Variants in XXYLT1 observed in about 807,000 individuals in gnomAD.
XXYLT1 encodes the protein xyloside xylosyltransferase 1.
A neutral mutation model predicts 28.9 loss-of-function variants in XXYLT1; 20 were observed. The observed-to-expected ratio is 0.69, with a 90% CI of 0.49 to 1.00. The LOEUF (loss-of-function observed/expected upper bound fraction) is 1.00, where lower values mean the gene tolerates loss of function less well. XXYLT1 is among the 50% of genes least tolerant of loss of function. The pLI, the probability that XXYLT1 is intolerant of heterozygous loss-of-function variation, is 0.00. For synonymous variants in XXYLT1, 257 were observed against 253.8 expected, an observed-to-expected ratio of 1.01 and a Z score of -0.12; for missense variants, 542 against 560.1, an observed-to-expected ratio of 0.97 and a Z score of 0.33.
In XXYLT1 at chr3:195,209,464, T is replaced by G. The variant is rs574967412; in HGVS notation, c.652+17245A>C. On this transcript the variant is annotated intron_variant, in intron 2 of 3. Coordinates refer to ENST00000310380, the MANE Select transcript of XXYLT1 (RefSeq NM_152531.5). The surrounding 1 kb of genome is among the most constrained non-coding windows in gnomAD (Gnocchi z 5.0). Reference sequence around the variant, plus strand: ...TCCGGCTCTTGCCATCTCAGCCACATCAGGCCCGACTTAGGACCCTCTGGG... The same window carrying G: ...TCCGGCTCTTGCCATCTCAGCCACAGCAGGCCCGACTTAGGACCCTCTGGG... 1 of 152,484 alleles carries G rather than the reference T, an allele frequency of 6.6e-6. No individual in the cohort carries two copies. Among genetic ancestry groups the G allele is most frequent in the African/African-American group, 2.4e-5 (1 of 41,580 alleles). The allele number at this position is 152,484 out of a possible 1,614,324, so 9.4% of individuals were successfully genotyped here.
intron 2 of XXYLT1, among the ~76,000 whole-genome samples, chr3:195,161,315 C>A (rs1720859025): frequency 6.6e-6 from 1 of 152,218 alleles, no homozygotes; most frequent in African/African-American, 2.4e-5. Flanking sequence ...TTTGCTTGAG[C>A]CACGACACAT....
At chr3:195,166,307 TTTGAG>T (rs1232388048) in intron 2 of XXYLT1, among the ~76,000 whole-genome samples, 4 of 152,260 alleles carry the variant, frequency 2.6e-5, no homozygotes, top group Non-Finnish European at 5.9e-5. Flanking sequence ...TTAAATAACA[TTTGAG>T]TTATTTTAAT....
chr3:195,070,745 C>T (rs946579014), intron 3 of XXYLT1, among the ~76,000 whole-genome samples: 1 of 152,176 alleles, frequency 6.6e-6, no homozygotes, highest in East Asian at 1.9e-4. Flanking sequence ...TTCATTGAGC[C>T]CCAAGCCTGG....
chr3:195,073,395 GTGCAGAGGC>G (rs2108637569), intron 3 of XXYLT1, among the ~76,000 whole-genome samples: 1 of 152,302 alleles, frequency 6.6e-6, no homozygotes, highest in African/African-American at 2.4e-5. Context: ...TCTGTGGCAC[GTGCAGAGGC>G]TGCAGGAAAC....
intron 3 of XXYLT1, 127 bp from the exon 4 acceptor site, chr3:195,070,238 A>G (rs767839404): frequency 1.8e-5 from 23 of 1,253,554 alleles, no homozygotes; most frequent in Non-Finnish European, 2.4e-5. Context: ...AATCCGCATC[A>G]CTACACCAGC....
At position 195,094,763 on chromosome 3, in the gene XXYLT1, C is replaced by G. The variant is rs942368168; in HGVS notation, c.786-24652G>C. Reference sequence around the variant, plus strand: ...CCACACAGACAAGGGGCCACAAGGCCGCACCTTCCCCTCTCCACACAGCCT... The same window carrying G: ...CCACACAGACAAGGGGCCACAAGGCGGCACCTTCCCCTCTCCACACAGCCT... On this transcript the variant is annotated intron_variant, in intron 3 of 3. Transcript: ENST00000310380. 1.3e-5 allele frequency: 2 copies of G among 153,780 alleles called. 1 individual carries two copies. The highest frequency in any genetic ancestry group is 1.3e-4 in the Admixed American group (2 of 15,284). The allele number at this position is 153,780 out of a possible 1,614,324, so 9.5% of individuals were successfully genotyped here. A position where few individuals can be genotyped will look rare whatever the true frequency, so the allele number is the denominator to read the frequency against.
chr3:195,080,764 C>T (rs1715388200), intron 3 of XXYLT1, among the ~76,000 whole-genome samples: 1 of 152,152 alleles, frequency 6.6e-6, no homozygotes, highest in Non-Finnish European at 1.5e-5. Context: ...CCTTGTGTCC[C>T]CAGTTAGACT....
intron 2 of XXYLT1, among the ~76,000 whole-genome samples, chr3:195,221,829 T>G (rs1723837934): frequency 6.6e-6 from 1 of 151,460 alleles, no homozygotes; most frequent in Non-Finnish European, 1.5e-5. Flanking sequence ...CCCGTGGATG[T>G]GGGTGAAGAG....
chr3:195,201,766 A>G (rs1722857705), intron 2 of XXYLT1, among the ~76,000 whole-genome samples: 1 of 152,112 alleles, frequency 6.6e-6, no homozygotes, highest in Non-Finnish European at 1.5e-5. Flanking sequence ...AGGCATTACA[A>G]CCTGAGGCCT....
At position 195,068,705 on chromosome 3, in the gene XXYLT1, C is replaced by T. The variant is rs1194454235; in HGVS notation, c.*1010G>A. On this transcript the variant is annotated 3_prime_UTR_variant, in exon 4 of 4. Transcript: ENST00000310380. The stretch of plus-strand genomic sequence containing the variant: ...AAGCCACCCTCCCACTTCAGCCTCC[C>T]AAGTAGCCGGGACAACAAGCACAAG... 2.0e-5 allele frequency: 3 copies of T among 152,062 alleles called. No individual in the cohort carries two copies. Among genetic ancestry groups the T allele is most frequent in the South Asian group, 2.1e-4 (1 of 4,806 alleles). The allele number at this position is 152,062 out of a possible 1,614,324, so 9.4% of individuals were successfully genotyped here.
At chr3:195,071,980 A>G (rs905202415) in intron 3 of XXYLT1, among the ~76,000 whole-genome samples, 6 of 152,032 alleles carry the variant, frequency 3.9e-5, no homozygotes, top group Admixed American at 3.9e-4. Flanking sequence ...GGACTACCTC[A>G]TGCTCCACGG....
intron 2 of XXYLT1, among the ~76,000 whole-genome samples, chr3:195,187,360 G>C (rs1362266917): frequency 6.6e-6 from 1 of 152,110 alleles, no homozygotes; most frequent in African/African-American, 2.4e-5. Context: ...ACCATGCCCG[G>C]CCAGCTGAAG....
chr3:195,254,177 C>G (rs544108985), intron 1 of XXYLT1, among the ~76,000 whole-genome samples: 71 of 152,356 alleles, frequency 4.7e-4, no homozygotes, highest in African/African-American at 1.5e-3. Flanking sequence ...ACTGCCCAGG[C>G]CTGGCAGGTT....
intron 1 of XXYLT1, among the ~76,000 whole-genome samples, chr3:195,242,706 A>G (rs1449611298): frequency 6.6e-6 from 1 of 152,104 alleles, no homozygotes; most frequent in African/African-American, 2.4e-5. Flanking sequence ...TATGTTATTT[A>G]CACAGCCCGC....
chr3:195,230,415 T>C (rs1470246460), intron 1 of XXYLT1, among the ~76,000 whole-genome samples: 1 of 152,256 alleles, frequency 6.6e-6, no homozygotes, highest in Admixed American at 6.5e-5. Flanking sequence ...CATTTTCACT[T>C]TGATTGCCTA....
intron 3 of XXYLT1, among the ~76,000 whole-genome samples, chr3:195,151,834 G>A (rs554991781): frequency 7.3e-5 from 9 of 124,004 alleles, no homozygotes; most frequent in African/African-American, 2.1e-4. Flanking sequence ...AAGCCCAGAG[G>A]AACAAAGCGA....
rs1414890450 is a variant in XXYLT1 at position 195,270,995 on chromosome 3, A to T, written c.64T>A (p.Ser22Thr). 6.8e-7 allele frequency: 1 copy of T among 1,479,424 alleles called. No homozygotes were observed. The highest frequency in any genetic ancestry group is 1.3e-5 in the South Asian group (1 of 78,100). 91.6% of individuals were successfully genotyped at this position (1,479,424 alleles called of 1,614,324 possible). ...RAMARLGAVRSHYCALLLAAA... is the reference protein window; with the variant it reads ...RAMARLGAVRTHYCALLLAAA... ...GCCAGCAGCAGGGCGCAGTAGTGGG[A>T]GCGCACAGCGCCCAGGCGCGCCATG... The change falls in exon 1 of 4, where the codon TCC (serine) becomes ACC (threonine). Residue 22 changes from serine (S) to threonine (T), a missense_variant. Coordinates refer to ENST00000310380, the MANE Select transcript of XXYLT1 (RefSeq NM_152531.5).
chr3:195,082,288 T>C (rs1715478128), intron 3 of XXYLT1, among the ~76,000 whole-genome samples: 9 of 152,150 alleles, frequency 5.9e-5, no homozygotes, highest in Admixed American at 5.9e-4. Flanking sequence ...GCAGATTCAG[T>C]TTTCAGGAAA....
chr3:195,157,469 C>T (rs999455877), intron 2 of XXYLT1, among the ~76,000 whole-genome samples: 3 of 152,160 alleles, frequency 2.0e-5, no homozygotes, highest in Non-Finnish European at 4.4e-5. Context: ...GCCTAAAAGA[C>T]AGGATGAGCC....
Sources: gnomAD v4.1 joint callset for allele counts (sites outside exome capture counted in the v4.1 genomes callset) on GRCh38, gnomAD v4.1.1 for gene constraint, Gnocchi (gnomAD v3.1) non-coding constraint, MANE v1.5 for transcripts, NCBI Gene and HGNC (gene_info 2026-07-23, HGNC 2026-07-21) for gene names.